The following KCNQ1 variants were observed in gnomAD, a reference collection of about 807,000 sequenced individuals.
KCNQ1 encodes the protein potassium voltage-gated channel subfamily Q member 1.
In KCNQ1, 49 loss-of-function variants were observed where a neutral mutation model predicts 72.4. The observed-to-expected ratio is 0.68, with a 90% CI of 0.54 to 0.86. The LOEUF (loss-of-function observed/expected upper bound fraction) is 0.86. Among genes scored for constraint, KCNQ1 ranks in the 40% least tolerant of loss-of-function variants. The pLI is 0.00. For missense variants in KCNQ1, 790 were observed against 945.1 expected (o/e 0.84, Z 2.15); for synonymous variants, 450 against 412.6 (o/e 1.09, Z -1.10).
At chr11:2,798,093 A>G (rs933543549) in intron 15 of KCNQ1, among the ~76,000 whole-genome samples, 3 of 152,040 alleles carry the variant, frequency 2.0e-5, no homozygotes, top group Non-Finnish European at 4.4e-5. Context: ...GTCTCTCCTC[A>G]ACCCTGAGAG....
At chr11:2,709,749 TG>T (rs1481796714) in intron 11 of KCNQ1, among the ~76,000 whole-genome samples, 1 of 152,236 alleles carries the variant, frequency 6.6e-6, no homozygotes, top group Non-Finnish European at 1.5e-5. Context: ...AGCAGACTTT[TG>T]TGGCTGACTT....
chr11:2,660,222 TAAATTTTCATTTTCTAA>T, intron 10 of KCNQ1: 1 of 398,408 alleles, frequency 2.5e-6, no homozygotes, highest in Non-Finnish European at 4.4e-6. Flanking sequence ...TAGTACCCTT[TAAATTTTCATTTTCTAA>T]TTGTTGATCA....
At chr11:2,476,378 T>C (rs991282076) in intron 1 of KCNQ1, among the ~76,000 whole-genome samples, 1 of 152,204 alleles carries the variant, frequency 6.6e-6, no homozygotes, top group African/African-American at 2.4e-5. Context: ...GTGTAATAGA[T>C]CTGAACATTA....
Position 2,617,371 on chromosome 11 carries a change from T to G in KCNQ1, c.1393+28517T>G, listed in dbSNP as rs1849084236. ...GGCTTATTTAACTTAGCACAATGTC[T>G]TCCAGTTTCATCCATGTGGCAAGTG... On this transcript the variant is annotated intron_variant, in intron 10 of 15. Coordinates refer to ENST00000155840, the MANE Select transcript of KCNQ1 (RefSeq NM_000218.3). This position sits in a 1 kb window ranked among gnomAD's most constrained non-coding sequence, Gnocchi z 4.6. 1 of 398,352 alleles carries G rather than the reference T, an allele frequency of 2.5e-6. No individual in the cohort carries two copies. The highest frequency in any genetic ancestry group is 1.3e-4 in the South Asian group (1 of 7,864). The allele number at this position is 398,352 out of a possible 1,614,324, so 24.7% of individuals were successfully genotyped here.
At chr11:2,485,368 ACC>A (rs1369066834) in intron 1 of KCNQ1, among the ~76,000 whole-genome samples, 2 of 31,108 alleles carry the variant, frequency 6.4e-5, no homozygotes, top group Non-Finnish European at 1.3e-4. Context: ...TCCATCCCCC[ACC>A]CCCCCACCCT....
At position 2,764,269 on chromosome 11, in the gene KCNQ1, T is replaced by C. The variant is rs184876370; in HGVS notation, c.1515-4575T>C. On this transcript the variant is annotated intron_variant, in intron 11 of 15. Coordinates refer to ENST00000155840, the MANE Select transcript of KCNQ1 (RefSeq NM_000218.3). This position sits in a 1 kb window ranked among gnomAD's most constrained non-coding sequence, Gnocchi z 4.8. ...AGTTGTGTTTTTAATTATGAACAGG[T>C]CTCGCTTTATCAAATGCTTTCTTAC... 3.4e-4 allele frequency among the ~76,000 whole-genome samples: 52 copies of C among 152,244 alleles called. No homozygotes were observed. The highest frequency in any genetic ancestry group is 1.2e-3 in the African/African-American group (49 of 41,556).
chr11:2,796,912 C>A (rs1847146553), intron 15 of KCNQ1, among the ~76,000 whole-genome samples: 1 of 152,236 alleles, frequency 6.6e-6, no homozygotes, highest in African/African-American at 2.4e-5. Flanking sequence ...TTTATCCCGA[C>A]CGTAAATGGT....
rs949910689 is a variant in KCNQ1, at chr11:2,827,986, T to C, written c.1795-19781T>C. 6.6e-6 allele frequency among the ~76,000 whole-genome samples: 1 copy of C among 152,114 alleles called. No homozygotes were observed. Among genetic ancestry groups the C allele is most frequent in the African/African-American group, 2.4e-5 (1 of 41,410 alleles). On this transcript the variant is annotated intron_variant, in intron 15 of 15. Transcript: ENST00000155840. The surrounding 1 kb of genome is among the most constrained non-coding windows in gnomAD (Gnocchi z 6.7). ...TCCAAGCCAGGCACCACCGGGCACA[T>C]AGAGGTCTTGAAAGCTCGAATGTGG...
intron 2 of KCNQ1, among the ~76,000 whole-genome samples, chr11:2,560,979 G>T (rs1037185853): frequency 1.3e-5 from 2 of 151,924 alleles, no homozygotes; most frequent in African/African-American, 4.8e-5. Context: ...GAGGCGGGCG[G>T]ATCACGAGGT....
chr11:2,819,087 C>T (rs765132170), intron 15 of KCNQ1, among the ~76,000 whole-genome samples: 5 of 152,258 alleles, frequency 3.3e-5, no homozygotes, highest in Admixed American at 6.5e-5. Context: ...GGAGTACCCT[C>T]ACCTGGCCTT....
chr11:2,644,788 T>A (rs1408815239), intron 10 of KCNQ1: 1 of 398,534 alleles, frequency 2.5e-6, no homozygotes, highest in Non-Finnish European at 4.4e-6. Context: ...AGTAGTGTGA[T>A]CTCCATGGAA....
intron 15 of KCNQ1, among the ~76,000 whole-genome samples, chr11:2,832,234 G>A (rs1847967015): frequency 6.6e-6 from 1 of 152,218 alleles, no homozygotes; most frequent in African/African-American, 2.4e-5. Flanking sequence ...CTTGGCAGAT[G>A]GGCAGCGTTA....
Position 2,626,904 on chromosome 11 carries a change from A to G in KCNQ1, c.1394-35057A>G. Reference sequence around the variant, plus strand: ...TTTTCAAGAATGTTTTAGCTATTCAAGGTCCCTTGAGATTCCATGTGAATT... The same window carrying G: ...TTTTCAAGAATGTTTTAGCTATTCAGGGTCCCTTGAGATTCCATGTGAATT... On this transcript the variant is annotated intron_variant, in intron 10 of 15. Coordinates refer to ENST00000155840, the MANE Select transcript of KCNQ1 (RefSeq NM_000218.3). This position sits in a 1 kb window ranked among gnomAD's most constrained non-coding sequence, Gnocchi z 4.0. 1 of 398,614 alleles carries G rather than the reference A, an allele frequency of 2.5e-6. No individual in the cohort carries two copies. The highest frequency in any genetic ancestry group is 4.4e-6 in the Non-Finnish European group (1 of 226,062). 24.7% of individuals were successfully genotyped at this position (398,614 alleles called of 1,614,324 possible).
intron 15 of KCNQ1, among the ~76,000 whole-genome samples, chr11:2,780,247 C>G (rs886366129): frequency 1.3e-5 from 2 of 152,216 alleles, no homozygotes; most frequent in African/African-American, 4.8e-5. Flanking sequence ...GTGCACCCCT[C>G]AGGGACAGAC....
rs1849659346 is a variant in KCNQ1, at chr11:2,645,959, G to C, written c.1394-16002G>C. The C allele has an allele frequency of 2.5e-6, 1 of 398,586 alleles. No individual in the cohort carries two copies. Among genetic ancestry groups the C allele is most frequent in the East Asian group, 3.6e-5 (1 of 28,078 alleles). 24.7% of individuals were successfully genotyped at this position (398,586 alleles called of 1,614,324 possible). A position where few individuals can be genotyped will look rare whatever the true frequency, so the allele number is the denominator to read the frequency against. Reference sequence around the variant, plus strand: ...TAGTCTCAAGGCATCTATGGGTCAGGGGGTTCTCTGACTAGGATTTCAGGA... The same window carrying C: ...TAGTCTCAAGGCATCTATGGGTCAGCGGGTTCTCTGACTAGGATTTCAGGA... On this transcript the variant is annotated intron_variant, in intron 10 of 15. Coordinates refer to ENST00000155840, the MANE Select transcript of KCNQ1 (RefSeq NM_000218.3). This position sits in a 1 kb window ranked among gnomAD's most constrained non-coding sequence, Gnocchi z 5.8.
intron 10 of KCNQ1, chr11:2,633,561 T>G (rs1342475293): frequency 2.5e-6 from 1 of 398,444 alleles, no homozygotes; most frequent in Non-Finnish European, 4.4e-6. Flanking sequence ...TGAGAGATAG[T>G]ATAGTTTCAT....
Position 2,613,383 on chromosome 11 carries a change from G to A in KCNQ1, c.1393+24529G>A. 2.5e-6 allele frequency: 1 copy of A among 398,548 alleles called. No individual in the cohort carries two copies. The highest frequency in any genetic ancestry group is 4.4e-6 in the Non-Finnish European group (1 of 226,038). The allele number at this position is 398,548 out of a possible 1,614,324, so 24.7% of individuals were successfully genotyped here. On this transcript the variant is annotated intron_variant, in intron 10 of 15. Coordinates refer to ENST00000155840, the MANE Select transcript of KCNQ1 (RefSeq NM_000218.3). This position sits in a 1 kb window ranked among gnomAD's most constrained non-coding sequence, Gnocchi z 4.8. ...ACATTAGGTTGCTGTGATGTGGGTT[G>A]CCTCCAATTATTTGCCACTGAAATC...
chr11:2,648,981 CTTTTTTTTTTTTTTT>C, intron 10 of KCNQ1: 8 of 313,730 alleles, frequency 2.5e-5, no homozygotes, highest in African/African-American at 7.9e-5. Context: ...TTTTCTTTTT[CTTTTTTTTTTTTTTT>C]TTTTTTTTGA....
At chr11:2,836,308 GC>G (rs1848065018) in intron 15 of KCNQ1, among the ~76,000 whole-genome samples, 1 of 152,210 alleles carries the variant, frequency 6.6e-6, no homozygotes, top group Non-Finnish European at 1.5e-5. Context: ...CTGAGCAGGA[GC>G]CCCCACACCC....
Sources: allele counts gnomAD v4.1 joint callset (sites outside exome capture counted in the v4.1 genomes callset), GRCh38; gene constraint gnomAD v4.1.1; non-coding constraint Gnocchi (gnomAD v3.1); transcripts MANE v1.5; gene names NCBI Gene and HGNC (gene_info 2026-07-23, HGNC 2026-07-21).